The following C3orf49 variants were observed in gnomAD, a reference collection of about 807,000 sequenced individuals.
C3orf49 encodes chromosome 3 open reading frame 49.
C3orf49 carries 27 observed loss-of-function variants against 13.3 expected under a neutral mutation model. That is an observed-to-expected ratio of 2.02 (90% CI 1.49 to 2.79). C3orf49 has a LOEUF of 2.79. Among genes scored for constraint, C3orf49 ranks in the 30% most tolerant of loss-of-function variants. C3orf49 has a pLI of 0.00. For synonymous variants in C3orf49, 87 were observed against 47.6 expected (o/e 1.83, Z -3.40); for missense variants, 242 against 134.2 (o/e 1.80, Z -3.97).
chr3:63,827,148 T>A (rs1701473059), intron 2 of C3orf49: 1 of 153,358 alleles, frequency 6.5e-6, no homozygotes, highest in South Asian at 2.0e-4. Context: ...TGTTAAGGAA[T>A]CCAAAGTTCA....
At chr3:63,793,804 T>C in the C3orf49 span, among the ~76,000 whole-genome samples, 4 of 152,104 alleles carry the variant, frequency 2.6e-5, no homozygotes, top group Admixed American at 6.6e-5. Flanking sequence ...TTTTGTCTGT[T>C]TCCTTCACTG....
intron 5 of C3orf49, among the ~76,000 whole-genome samples, chr3:63,836,790 CA>C (rs1701642872): frequency 6.6e-6 from 1 of 151,762 alleles, no homozygotes. Flanking sequence ...TCACTCATTC[CA>C]AAAGTTAAGA....
chr3:63,806,471 A>T, the C3orf49 span, among the ~76,000 whole-genome samples: 1 of 152,236 alleles, frequency 6.6e-6, no homozygotes, highest in Admixed American at 6.5e-5. Flanking sequence ...AAACATAAAG[A>T]ATATGGCACT....
intron 5 of C3orf49, among the ~76,000 whole-genome samples, chr3:63,832,551 A>G (rs916096440): frequency 2.0e-5 from 3 of 151,952 alleles, no homozygotes; most frequent in Non-Finnish European, 4.4e-5. Flanking sequence ...AGTCCCAGCT[A>G]CTCGGGAGGC....
chr3:63,822,485 G>T (rs1701411431), intron 1 of C3orf49, among the ~76,000 whole-genome samples: 1 of 152,204 alleles, frequency 6.6e-6, no homozygotes, highest in Non-Finnish European at 1.5e-5. Flanking sequence ...CTCAGGATCA[G>T]ATAATCTGGA....
At chr3:63,841,082 G>A (rs1701748784) in intron 5 of C3orf49, among the ~76,000 whole-genome samples, 1 of 152,178 alleles carries the variant, frequency 6.6e-6, no homozygotes, top group Non-Finnish European at 1.5e-5. Context: ...AATAGTATGA[G>A]CCAAAAGAAT....
At chr3:63,826,376 TGGG>T (rs909399880) in intron 2 of C3orf49, among the ~76,000 whole-genome samples, 12 of 152,028 alleles carry the variant, frequency 7.9e-5, no homozygotes, top group African/African-American at 2.9e-4. Context: ...GCAGTGGGAA[TGGG>T]GAGATAAAGG....
intron 5 of C3orf49, among the ~76,000 whole-genome samples, chr3:63,832,440 C>T (rs1459294776): frequency 6.6e-6 from 1 of 152,078 alleles, no homozygotes; most frequent in African/African-American, 2.4e-5. Context: ...GGGTGGATCA[C>T]GTGAACCCAG....
At chr3:63,833,351 G>A (rs572851683) in intron 5 of C3orf49, among the ~76,000 whole-genome samples, 3 of 152,068 alleles carry the variant, frequency 2.0e-5, no homozygotes, top group East Asian at 1.9e-4. Flanking sequence ...TGCCCGCCTC[G>A]GCCTTCCAAA....
At chr3:63,836,846 G>T (rs1241378398) in intron 5 of C3orf49, among the ~76,000 whole-genome samples, 1 of 151,692 alleles carries the variant, frequency 6.6e-6, no homozygotes, top group African/African-American at 2.4e-5. Context: ...TCTATTTTCT[G>T]CTCCACTGAG....
At chr3:63,787,319 G>A in the C3orf49 span, 1 of 152,120 alleles carries the variant, frequency 6.6e-6, no homozygotes, top group East Asian at 1.9e-4. Context: ...CATGGGGAAA[G>A]GAAGAAAGGC....
chr3:63,825,994 A>G (rs1455579803), intron 2 of C3orf49, among the ~76,000 whole-genome samples: 1 of 152,198 alleles, frequency 6.6e-6, no homozygotes, highest in Non-Finnish European at 1.5e-5. Flanking sequence ...GGGGGAGAAC[A>G]GTTTCCCAGG....
intron 5 of C3orf49, among the ~76,000 whole-genome samples, chr3:63,836,668 C>G (rs1056184386): frequency 2.0e-5 from 3 of 151,846 alleles, no homozygotes; most frequent in Non-Finnish European, 4.4e-5. Flanking sequence ...TAGACTGATT[C>G]TGAGAAGGAT....
chr3:63,811,564 C>A, the C3orf49 span, among the ~76,000 whole-genome samples: 152 of 138,136 alleles, frequency 1.1e-3, no homozygotes, highest in African/African-American at 3.6e-3. Context: ...TGTCAAAAAA[C>A]AAAAACAAAA....
chr3:63,840,891 TA>T (rs1025518388), intron 5 of C3orf49, among the ~76,000 whole-genome samples: 3 of 152,176 alleles, frequency 2.0e-5, no homozygotes, highest in Admixed American at 1.3e-4. Context: ...CAAATAAAAT[TA>T]AAAACACACT....
intron 1 of C3orf49, among the ~76,000 whole-genome samples, chr3:63,821,062 C>T (rs1701387504): frequency 6.6e-6 from 1 of 152,120 alleles, no homozygotes; most frequent in Non-Finnish European, 1.5e-5. Context: ...AGGTTCCAAA[C>T]ACATGAATTA....
At chr3:63,804,566 T>C in the C3orf49 span, among the ~76,000 whole-genome samples, 2 of 152,188 alleles carry the variant, frequency 1.3e-5, no homozygotes, top group Non-Finnish European at 2.9e-5. Context: ...ATTCTGCAGA[T>C]TGCTTTTCAT....
At chr3:63,835,356 G>A in intron 5 of C3orf49, 2 of 1,613,520 alleles carry the variant, frequency 1.2e-6, no homozygotes, top group Non-Finnish European at 1.7e-6. Context: ...ATGTGTGAAA[G>A]ATGCTCTAAT....
chr3:63,786,562 A>G, the C3orf49 span, among the ~76,000 whole-genome samples: 14 of 152,038 alleles, frequency 9.2e-5, no homozygotes, highest in African/African-American at 3.4e-4. Flanking sequence ...CTAAAGAAGG[A>G]AAAAAAATAT....
Sources: gnomAD v4.1 joint callset for allele counts (sites outside exome capture counted in the v4.1 genomes callset) on GRCh38, gnomAD v4.1.1 for gene constraint, MANE v1.5 for transcripts, NCBI Gene and HGNC (gene_info 2026-07-23, HGNC 2026-07-21) for gene names.